MXD1: variants seen among roughly 807,000 people sequenced by gnomAD.
MXD1 encodes MAX-binding protein.
In MXD1, 9 loss-of-function variants were observed where a neutral mutation model predicts 25.7. The observed-to-expected ratio is 0.35, with a 90% CI of 0.21 to 0.61. The LOEUF (loss-of-function observed/expected upper bound fraction) is 0.61, where lower values mean the gene tolerates loss of function less well. MXD1 is among the 20% of genes least tolerant of loss of function. The pLI, the probability that MXD1 is intolerant of heterozygous loss-of-function variation, is 0.75. For synonymous variants in MXD1, 99 were observed against 113.9 expected, an observed-to-expected ratio of 0.87 and a Z score of 0.83; for missense variants, 227 against 292.4, an observed-to-expected ratio of 0.78 and a Z score of 1.63.
chr2:69,932,054 C>T (rs1454336589), intron 3 of MXD1, among the ~76,000 whole-genome samples: 2 of 152,136 alleles, frequency 1.3e-5, no homozygotes, highest in Non-Finnish European at 2.9e-5. Flanking sequence ...GCTAGTTCCC[C>T]AAATGGGAGT....
At chr2:69,919,983 A>AGTTTT (rs71993271) in intron 2 of MXD1, among the ~76,000 whole-genome samples, 3,322 of 150,566 alleles carry the variant, frequency 0.022, 50 homozygotes, top group Non-Finnish European at 0.034. Flanking sequence ...ACCATTTTAA[A>AGTTTT]GTTTTGTTTT....
At chr2:69,917,849 A>G (rs1296698075) in intron 2 of MXD1, among the ~76,000 whole-genome samples, 6 of 151,590 alleles carry the variant, frequency 4.0e-5, no homozygotes, top group Non-Finnish European at 7.4e-5. Flanking sequence ...AATAAAGGCT[A>G]CAAATCCTTC....
intron 3 of MXD1, among the ~76,000 whole-genome samples, chr2:69,926,705 G>T (rs1677177876): frequency 6.6e-6 from 1 of 152,158 alleles, no homozygotes; most frequent in Non-Finnish European, 1.5e-5. Flanking sequence ...AAACATATTT[G>T]AATCTTTTGT....
chr2:69,923,410 T>C (rs1312251597), intron 3 of MXD1, among the ~76,000 whole-genome samples: 1 of 152,218 alleles, frequency 6.6e-6, no homozygotes. Context: ...ATGATGGCTC[T>C]ATAAAGACAT....
intron 2 of MXD1, among the ~76,000 whole-genome samples, chr2:69,918,322 T>C (rs1245253944): frequency 6.6e-6 from 1 of 152,194 alleles, no homozygotes; most frequent in Non-Finnish European, 1.5e-5. Context: ...AAGATAAGAT[T>C]TTGCCACATA....
At chr2:69,924,735 G>T (rs1054394172) in intron 3 of MXD1, among the ~76,000 whole-genome samples, 3 of 121,190 alleles carry the variant, frequency 2.5e-5, no homozygotes, top group African/African-American at 1.2e-4. Flanking sequence ...AGTGTAAAAA[G>T]ATTGCCATGG....
Position 69,915,797 on chromosome 2 carries a change from C to G in MXD1, c.74-324C>G, listed in dbSNP as rs1676951483. Among the ~76,000 whole-genome samples, 1 of 152,254 alleles carries G rather than the reference C, an allele frequency of 6.6e-6. No homozygotes were observed. Among genetic ancestry groups the G allele is most frequent in the Admixed American group, 6.5e-5 (1 of 15,290 alleles). ...CGGTCCCCGGCTCACGGTGCTTGCC[C>G]CGCACCTTCGCCTGAGCTGGTTCCA... On this transcript the variant is annotated intron_variant, in intron 1 of 5. Transcript: ENST00000264444. The surrounding 1 kb of genome is among the most constrained non-coding windows in gnomAD (Gnocchi z 5.8).
intron 2 of MXD1, among the ~76,000 whole-genome samples, chr2:69,919,846 A>C (rs1011987837): frequency 6.6e-6 from 1 of 151,348 alleles, no homozygotes; most frequent in Non-Finnish European, 1.5e-5. Flanking sequence ...TAAAGCTTTT[A>C]TTTCTTTTTA....
chr2:69,935,693 A>T (rs1314354906), intron 4 of MXD1, among the ~76,000 whole-genome samples: 1 of 152,186 alleles, frequency 6.6e-6, no homozygotes, highest in Non-Finnish European at 1.5e-5. Flanking sequence ...TACAAGCCAG[A>T]AATTCAGGAG....
chr2:69,915,428 A>C lies in MXD1; in HGVS notation c.73+25A>C. On this transcript the variant is annotated intron_variant, in intron 1 of 5. Coordinates refer to ENST00000264444, the MANE Select transcript of MXD1 (RefSeq NM_002357.4). The surrounding 1 kb of genome is among the most constrained non-coding windows in gnomAD (Gnocchi z 5.8). Reference sequence around the variant, plus strand: ...GGTGCACGGGGACGGGGAGGGGTCCACTCGAAACGAGGCCGGGGGTCCTGT... The same window carrying C: ...GGTGCACGGGGACGGGGAGGGGTCCCCTCGAAACGAGGCCGGGGGTCCTGT... 7.9e-7 allele frequency: 1 copy of C among 1,263,854 alleles called. No homozygotes were observed. The highest frequency in any genetic ancestry group is 1.0e-6 in the Non-Finnish European group (1 of 995,052). The allele number at this position is 1,263,854 out of a possible 1,614,324, so 78.3% of individuals were successfully genotyped here. A position where few individuals can be genotyped will look rare whatever the true frequency, so the allele number is the denominator to read the frequency against.
chr2:69,933,656 C>G (rs1332411576), intron 3 of MXD1, among the ~76,000 whole-genome samples: 1 of 152,196 alleles, frequency 6.6e-6, no homozygotes, highest in Non-Finnish European at 1.5e-5. Flanking sequence ...GGAAGGAAGT[C>G]TAATGCCTTG....
Position 69,915,903 on chromosome 2 carries a change from A to G in MXD1, c.74-218A>G, listed in dbSNP as rs1417162788. Among the ~76,000 whole-genome samples the G allele has an allele frequency of 6.6e-6, 1 of 152,248 alleles. No homozygotes were observed. The highest frequency in any genetic ancestry group is 1.5e-5 in the Non-Finnish European group (1 of 68,040). ...CCTAGCCACTACTGTGTCTTTCTCA[A>G]CAATGAGCAGCTGGAATCCTCCTTA... On this transcript the variant is annotated intron_variant, in intron 1 of 5. Transcript: ENST00000264444. This position sits in a 1 kb window ranked among gnomAD's most constrained non-coding sequence, Gnocchi z 5.8.
At chr2:69,933,063 G>A (rs916649817) in intron 3 of MXD1, among the ~76,000 whole-genome samples, 7 of 151,846 alleles carry the variant, frequency 4.6e-5, no homozygotes, top group African/African-American at 1.7e-4. Context: ...GCCGGACGTG[G>A]TGGCGGGCGC....
At chr2:69,916,753 T>C (rs1220345466) in intron 2 of MXD1, among the ~76,000 whole-genome samples, 2 of 152,240 alleles carry the variant, frequency 1.3e-5, no homozygotes, top group Admixed American at 6.5e-5. Context: ...AGAGGAATGA[T>C]TGAGGTTAAA....
chr2:69,926,343 T>C (rs1677170665), intron 3 of MXD1, among the ~76,000 whole-genome samples: 1 of 152,184 alleles, frequency 6.6e-6, no homozygotes, highest in Non-Finnish European at 1.5e-5. Context: ...TTCTCCTTTT[T>C]TTTTTTCCAT....
At chr2:69,931,285 AT>A (rs907550997) in intron 3 of MXD1, among the ~76,000 whole-genome samples, 121 of 148,646 alleles carry the variant, frequency 8.1e-4, no homozygotes, top group African/African-American at 1.6e-3. Context: ...CTTTTAAGCT[AT>A]TTTTTTTTTA....
At chr2:69,934,433 C>T (rs932847600) in intron 3 of MXD1, among the ~76,000 whole-genome samples, 10 of 152,180 alleles carry the variant, frequency 6.6e-5, no homozygotes, top group African/African-American at 1.4e-4. Flanking sequence ...AGTCAGTTGC[C>T]GTGGCTGCTG....
chr2:69,919,983 AGTTTTGTTTT>A lies in MXD1; in HGVS notation c.174-1717_174-1708del, dbSNP rs71993271. On this transcript the variant is annotated intron_variant, in intron 2 of 5. Transcript: ENST00000264444. ...GAGCCACCATGCCTGACCATTTTAA[AGTTTTGTTTT>A]GTTTTGTTTTGTTTTGTTTTGTTTT... 1.1e-3 allele frequency among the ~76,000 whole-genome samples: 167 copies of A among 150,610 alleles called. 3 individuals are homozygous for A. The highest frequency in any genetic ancestry group is 6.2e-3 in the Admixed American group (94 of 15,140).
In MXD1 at chr2:69,920,806, T is replaced by C. The variant is rs188859765; in HGVS notation, c.174-930T>C. Among the ~76,000 whole-genome samples, 341 of 152,242 alleles carry C rather than the reference T, an allele frequency of 2.2e-3. 1 individual carries two copies. The highest frequency in any genetic ancestry group is 4.0e-3 in the Non-Finnish European group (271 of 68,008). ...AAATTTATAACTGGTTAGGAAGGGGTTGTGTGAGGAGGACACTAAAGGGGC... is the reference window on the plus strand; with the variant it reads ...AAATTTATAACTGGTTAGGAAGGGGCTGTGTGAGGAGGACACTAAAGGGGC... On this transcript the variant is annotated intron_variant, in intron 2 of 5. Coordinates refer to ENST00000264444, the MANE Select transcript of MXD1 (RefSeq NM_002357.4).
Sources: gnomAD v4.1 joint callset for allele counts (sites outside exome capture counted in the v4.1 genomes callset) on GRCh38, gnomAD v4.1.1 for gene constraint, Gnocchi (gnomAD v3.1) non-coding constraint, MANE v1.5 for transcripts, NCBI Gene and HGNC (gene_info 2026-07-23, HGNC 2026-07-21) for gene names.